The following MYO5A variants were observed in gnomAD, a reference collection of about 807,000 sequenced individuals.
MYO5A encodes myosin VA.
In MYO5A, 98 loss-of-function variants were observed where a neutral mutation model predicts 249.7. That is an observed-to-expected ratio of 0.39 (90% CI 0.33 to 0.46). MYO5A has a LOEUF of 0.46. Ranked by LOEUF, MYO5A falls within the 20% of genes least tolerant of loss-of-function variation. The pLI is 0.98. For missense variants in MYO5A, 1,696 were observed against 2,308.8 expected, an observed-to-expected ratio of 0.73 and a Z score of 5.44; for synonymous variants, 778 against 810.6, an observed-to-expected ratio of 0.96 and a Z score of 0.68.
At chr15:52,478,482 A>G (rs2076646363) in intron 1 of MYO5A, among the ~76,000 whole-genome samples, 1 of 152,114 alleles carries the variant, frequency 6.6e-6, no homozygotes, top group Non-Finnish European at 1.5e-5. Flanking sequence ...AAATGCAGAA[A>G]TCACTCGTCT....
intron 39 of MYO5A, among the ~76,000 whole-genome samples, chr15:52,317,563 T>C (rs2038083954): frequency 6.6e-6 from 1 of 152,236 alleles, no homozygotes; most frequent in Admixed American, 6.5e-5. Flanking sequence ...AAACACTTTG[T>C]AGCTTCTCTT....
At chr15:52,355,241 CT>C (rs1167003640) in intron 25 of MYO5A, among the ~76,000 whole-genome samples, 1 of 152,182 alleles carries the variant, frequency 6.6e-6, no homozygotes, top group Non-Finnish European at 1.5e-5. Context: ...ACAGTCAGCC[CT>C]CCATATCCTT....
chr15:52,465,888 A>G (rs542999754), intron 1 of MYO5A, among the ~76,000 whole-genome samples: 5 of 152,306 alleles, frequency 3.3e-5, no homozygotes, highest in African/African-American at 1.2e-4. Flanking sequence ...CAGAAAAGCA[A>G]AAAGAAACTC....
chr15:52,468,633 G>A (rs888723911), intron 1 of MYO5A, among the ~76,000 whole-genome samples: 4 of 152,176 alleles, frequency 2.6e-5, no homozygotes, highest in African/African-American at 7.2e-5. Flanking sequence ...TCATGCCAGT[G>A]CACTCCAGCC....
intron 25 of MYO5A, among the ~76,000 whole-genome samples, chr15:52,359,287 G>C (rs2040403057): frequency 6.6e-6 from 1 of 152,192 alleles, no homozygotes; most frequent in African/African-American, 2.4e-5. Flanking sequence ...AGTTGTGCCT[G>C]AATTACCCAT....
intron 12 of MYO5A, among the ~76,000 whole-genome samples, chr15:52,391,181 T>C (rs1325690109): frequency 6.6e-6 from 1 of 152,238 alleles, no homozygotes. Flanking sequence ...ATCATGAGTA[T>C]ATATGCAATA....
intron 1 of MYO5A, among the ~76,000 whole-genome samples, chr15:52,448,930 CTT>C (rs778732528): frequency 2.5e-5 from 1 of 40,346 alleles, no homozygotes; most frequent in African/African-American, 9.4e-5. Flanking sequence ...TCAGGTATTT[CTT>C]TTTTTTTTTT....
intron 1 of MYO5A, among the ~76,000 whole-genome samples, chr15:52,491,855 C>A (rs1045820104): frequency 6.6e-6 from 1 of 151,872 alleles, no homozygotes; most frequent in African/African-American, 2.4e-5. Flanking sequence ...AACTGGACTG[C>A]GGGAAACTAT....
chr15:52,449,570 G>A (rs1272432834), intron 1 of MYO5A, among the ~76,000 whole-genome samples: 3 of 152,172 alleles, frequency 2.0e-5, no homozygotes, highest in South Asian at 2.1e-4. Context: ...CTCTGGCCTG[G>A]CATGGTTCCT....
At chr15:52,318,994 T>C in intron 39 of MYO5A, 66 bp downstream of exon 39, 1 of 1,580,686 alleles carries the variant, frequency 6.3e-7, no homozygotes, top group Admixed American at 1.7e-5. Context: ...TCATCAGCTC[T>C]CCACAACCCT....
At chr15:52,388,816 G>A (rs1316730195) in intron 13 of MYO5A, among the ~76,000 whole-genome samples, 4 of 152,084 alleles carry the variant, frequency 2.6e-5, no homozygotes, top group African/African-American at 9.7e-5. Context: ...TAGAGATGTA[G>A]TATGTACATA....
chr15:52,321,538 C>T (rs1400482702), intron 37 of MYO5A, 29 bp from the exon 38 acceptor site: 2 of 1,611,372 alleles, frequency 1.2e-6, no homozygotes, highest in Non-Finnish European at 1.7e-6. Flanking sequence ...GTTAATGATA[C>T]ACATGAAGTA....
At chr15:52,525,600 G>A (rs1366824158) in intron 1 of MYO5A, among the ~76,000 whole-genome samples, 4 of 152,268 alleles carry the variant, frequency 2.6e-5, no homozygotes, top group Middle Eastern at 6.8e-3. Flanking sequence ...TAACCACAAT[G>A]TTAAATACCA....
intron 13 of MYO5A, 48 bp from the exon 14 acceptor site, chr15:52,387,960 G>T (rs1398407376): frequency 7.8e-7 from 1 of 1,279,708 alleles, no homozygotes; most frequent in Admixed American, 1.7e-5. Context: ...CTTTTGAATA[G>T]ATATTATAAT....
At chr15:52,459,168 T>TTA (rs2076183088) in intron 1 of MYO5A, among the ~76,000 whole-genome samples, 1 of 138,882 alleles carries the variant, frequency 7.2e-6, no homozygotes. Flanking sequence ...TTTTTTTTTT[T>TTA]TTTTTTAGTA....
At chr15:52,401,954 C>A (rs1172596948) in intron 9 of MYO5A, among the ~76,000 whole-genome samples, 1 of 152,188 alleles carries the variant, frequency 6.6e-6, no homozygotes, top group African/African-American at 2.4e-5. Flanking sequence ...TTTTGGCATT[C>A]TTAGCAGGTA....
At chr15:52,318,934 G>A (rs1438328190) in intron 39 of MYO5A, 126 bp downstream of exon 39, 1 of 1,242,352 alleles carries the variant, frequency 8.0e-7, no homozygotes. Context: ...TTTCTCCCTT[G>A]CTGCTTGGCC....
rs1358800839 is a variant in MYO5A, at chr15:52,505,654, G to A, written c.27+23126C>T. On this transcript the variant is annotated intron_variant, in intron 1 of 41. Coordinates refer to ENST00000399233, the MANE Select transcript of MYO5A (RefSeq NM_001382347.1). ...ATCTTGGGATGATGAGACAGATATG[G>A]CGAAATTAGAGGGCGTCAGAAGCAT... 10 of 1,275,768 alleles carry A rather than the reference G, an allele frequency of 7.8e-6. No individual in the cohort carries two copies. In the African/African-American group the frequency reaches 1.5e-4, roughly 19 times the overall value. The allele number at this position is 1,275,768 out of a possible 1,614,324, so 79.0% of individuals were successfully genotyped here. A position where few individuals can be genotyped will look rare whatever the true frequency, so the allele number is the denominator to read the frequency against.
intron 1 of MYO5A, among the ~76,000 whole-genome samples, chr15:52,437,562 T>C (rs1473554492): frequency 8.0e-6 from 1 of 124,494 alleles, no homozygotes; most frequent in African/African-American, 3.2e-5. Flanking sequence ...GTCACTGCAC[T>C]CCAGCCTGGG....
Sources: gnomAD v4.1 joint callset for allele counts (sites outside exome capture counted in the v4.1 genomes callset) on GRCh38, gnomAD v4.1.1 for gene constraint, MANE v1.5 for transcripts, NCBI Gene and HGNC (gene_info 2026-07-23, HGNC 2026-07-21) for gene names.